The following ZNF385D variants were observed in gnomAD, a reference collection of about 807,000 sequenced individuals.
The protein encoded by ZNF385D is zinc finger protein 659.
In ZNF385D, 15 loss-of-function variants were observed where a neutral mutation model predicts 35.8. That is an observed-to-expected ratio of 0.42 (90% CI 0.28 to 0.64). The LOEUF (loss-of-function observed/expected upper bound fraction) is 0.64, where lower values mean the gene tolerates loss of function less well. Ranked by LOEUF, ZNF385D falls within the 30% of genes least tolerant of loss-of-function variation. ZNF385D has a pLI of 0.23. For missense variants in ZNF385D, 474 were observed against 494.6 expected (o/e 0.96, Z 0.39); for synonymous variants, 212 against 186.8 (o/e 1.13, Z -1.10).
chr3:22,244,157 C>T (rs1335495947), intron 2 of ZNF385D, among the ~76,000 whole-genome samples: 3 of 150,180 alleles, frequency 2.0e-5, no homozygotes, highest in African/African-American at 7.4e-5. Flanking sequence ...TGTGCAAGAA[C>T]CTTCTTAAGG....
chr3:21,482,883 G>A (rs1575021051), intron 4 of ZNF385D, among the ~76,000 whole-genome samples: 1 of 152,188 alleles, frequency 6.6e-6, no homozygotes, highest in African/African-American at 2.4e-5. Context: ...ATAGTATAGA[G>A]AGAATTTCTG....
intron 3 of ZNF385D, among the ~76,000 whole-genome samples, chr3:21,842,555 T>C (rs1695748409): frequency 6.6e-6 from 1 of 152,052 alleles, no homozygotes; most frequent in African/African-American, 2.4e-5. Context: ...ATGGCAATGC[T>C]TTTAAATATT....
chr3:21,661,379 T>G (rs376645484), intron 2 of ZNF385D, among the ~76,000 whole-genome samples: 1 of 152,292 alleles, frequency 6.6e-6, no homozygotes, highest in East Asian at 1.9e-4. Flanking sequence ...CTGAATTGTT[T>G]TCATGGCAGA....
chr3:21,658,061 A>AT (rs1483316035), intron 2 of ZNF385D, among the ~76,000 whole-genome samples: 1 of 152,010 alleles, frequency 6.6e-6, no homozygotes, highest in African/African-American at 2.4e-5. Flanking sequence ...TGGATTCTGT[A>AT]TTTTTATCTG....
chr3:21,785,755 C>G (rs150872989), intron 3 of ZNF385D, among the ~76,000 whole-genome samples: 1 of 152,314 alleles, frequency 6.6e-6, no homozygotes, highest in African/African-American at 2.4e-5. Flanking sequence ...TCTATTTCAT[C>G]CCTTGTGACA....
At chr3:22,207,559 G>A (rs895327932) in intron 2 of ZNF385D, among the ~76,000 whole-genome samples, 3 of 151,992 alleles carry the variant, frequency 2.0e-5, no homozygotes, top group Middle Eastern at 6.8e-3. Flanking sequence ...TACACAGCAA[G>A]CATAGGCATG....
intron 3 of ZNF385D, among the ~76,000 whole-genome samples, chr3:21,761,235 A>T (rs887120135): frequency 6.6e-6 from 1 of 152,232 alleles, no homozygotes; most frequent in Non-Finnish European, 1.5e-5. Flanking sequence ...GTGCAAATTC[A>T]TGAGAGACTC....
intron 3 of ZNF385D, among the ~76,000 whole-genome samples, chr3:21,813,486 A>G (rs940452261): frequency 6.6e-6 from 1 of 152,198 alleles, no homozygotes; most frequent in African/African-American, 2.4e-5. Context: ...ACTAGAATCA[A>G]CAGTGTACAG....
At chr3:22,300,823 G>A (rs1379157647) in intron 2 of ZNF385D, among the ~76,000 whole-genome samples, 1 of 151,950 alleles carries the variant, frequency 6.6e-6, no homozygotes, top group Non-Finnish European at 1.5e-5. Context: ...GGGAATCCAT[G>A]TGCAATTTTG....
At chr3:21,458,305 A>G (rs1460120796) in intron 4 of ZNF385D, among the ~76,000 whole-genome samples, 5 of 131,332 alleles carry the variant, frequency 3.8e-5, no homozygotes, top group African/African-American at 9.4e-5. Context: ...AGACCTCATC[A>G]CTCTTAAAGG....
intron 3 of ZNF385D, among the ~76,000 whole-genome samples, chr3:22,060,137 C>T (rs537332880): frequency 1.3e-5 from 2 of 152,258 alleles, no homozygotes; most frequent in African/African-American, 4.8e-5. Flanking sequence ...CTTAACTCCC[C>T]TAATTCCCAG....
At chr3:22,030,304 C>CGTATA (rs1553591410) in intron 3 of ZNF385D, among the ~76,000 whole-genome samples, 1 of 36,040 alleles carries the variant, frequency 2.8e-5, no homozygotes, top group South Asian at 1.0e-3. Flanking sequence ...TATATATATC[C>CGTATA]TATTTGGTCC....
intron 3 of ZNF385D, among the ~76,000 whole-genome samples, chr3:21,875,983 C>G (rs1328560549): frequency 6.6e-6 from 1 of 152,110 alleles, no homozygotes; most frequent in African/African-American, 2.4e-5. Context: ...TTAAAAACAT[C>G]AGTTCTCAAT....
At chr3:22,234,718 G>T (rs1166909798) in intron 2 of ZNF385D, among the ~76,000 whole-genome samples, 3 of 151,854 alleles carry the variant, frequency 2.0e-5, no homozygotes, top group Non-Finnish European at 2.9e-5. Context: ...TCTTTGTATT[G>T]TAGTGATTGG....
intron 2 of ZNF385D, among the ~76,000 whole-genome samples, chr3:22,177,407 A>T (rs1022489580): frequency 6.6e-6 from 1 of 152,150 alleles, no homozygotes; most frequent in Non-Finnish European, 1.5e-5. Flanking sequence ...ATGCCAAGAA[A>T]AAAAGTAGGC....
chr3:21,606,452 A>G (rs2064487202), intron 2 of ZNF385D, among the ~76,000 whole-genome samples: 1 of 152,188 alleles, frequency 6.6e-6, no homozygotes, highest in African/African-American at 2.4e-5. Flanking sequence ...TATACATTTG[A>G]TGTACAAAAT....
intron 3 of ZNF385D, among the ~76,000 whole-genome samples, chr3:21,757,063 C>G (rs1380935262): frequency 6.7e-6 from 1 of 150,184 alleles, no homozygotes; most frequent in East Asian, 2.0e-4. Context: ...TCTAAAAATA[C>G]CATAATATTC....
intron 2 of ZNF385D, among the ~76,000 whole-genome samples, chr3:22,327,680 T>C (rs1453375940): frequency 6.6e-6 from 1 of 152,176 alleles, no homozygotes; most frequent in Non-Finnish European, 1.5e-5. Context: ...GCACTCCCAG[T>C]GGAAGATTGC....
At chr3:21,794,161 C>T (rs755170592) in intron 3 of ZNF385D, among the ~76,000 whole-genome samples, 2 of 152,098 alleles carry the variant, frequency 1.3e-5, no homozygotes, top group Non-Finnish European at 2.9e-5. Context: ...AAGGAAGGCA[C>T]CTGATCTCTA....
Sources: gnomAD v4.1 joint callset for allele counts (sites outside exome capture counted in the v4.1 genomes callset) on GRCh38, gnomAD v4.1.1 for gene constraint, MANE v1.5 for transcripts, NCBI Gene and HGNC (gene_info 2026-07-23, HGNC 2026-07-21) for gene names.